Variants in LRRC4C observed in about 807,000 individuals in gnomAD.
The protein encoded by LRRC4C is leucine rich repeat containing 4C, also known as leucine-rich repeat-containing protein 4C.
A neutral mutation model predicts 33.6 loss-of-function variants in LRRC4C; 5 were observed. The observed-to-expected ratio is 0.15, with a 90% CI of 0.08 to 0.31. LRRC4C has a LOEUF of 0.31. LRRC4C is among the 10% of genes least tolerant of loss of function. The pLI, the probability that LRRC4C is intolerant of heterozygous loss-of-function variation, is 1.00. For missense variants in LRRC4C, 560 were observed against 796.7 expected, an observed-to-expected ratio of 0.70 and a Z score of 3.58; for synonymous variants, 329 against 302.0, an observed-to-expected ratio of 1.09 and a Z score of -0.93.
chr11:41,329,615 T>C (rs1048563390), intron 1 of LRRC4C, among the ~76,000 whole-genome samples: 7 of 152,236 alleles, frequency 4.6e-5, no homozygotes, highest in African/African-American at 7.2e-5. Context: ...TTTCAGTCTC[T>C]GATTCCTTAC....
At chr11:41,106,409 T>G (rs1350583637) in intron 1 of LRRC4C, among the ~76,000 whole-genome samples, 1 of 151,786 alleles carries the variant, frequency 6.6e-6, no homozygotes, top group Non-Finnish European at 1.5e-5. Flanking sequence ...TTACATGCAT[T>G]GTCTACTTTG....
intron 2 of LRRC4C, among the ~76,000 whole-genome samples, chr11:40,925,394 G>T (rs911966789): frequency 6.6e-6 from 1 of 152,122 alleles, no homozygotes; most frequent in Non-Finnish European, 1.5e-5. Context: ...CCATTTCTTT[G>T]CCATGGCAAC....
At chr11:40,297,377 T>C (rs748482199) in intron 4 of LRRC4C, among the ~76,000 whole-genome samples, 10 of 152,332 alleles carry the variant, frequency 6.6e-5, no homozygotes, top group South Asian at 2.1e-4. Flanking sequence ...TAATGACATG[T>C]GAATTAATTT....
chr11:40,686,327 G>GGAA (rs1944951634), intron 2 of LRRC4C, among the ~76,000 whole-genome samples: 1 of 152,042 alleles, frequency 6.6e-6, no homozygotes, highest in South Asian at 2.1e-4. Flanking sequence ...GGCACACAGA[G>GGAA]GAAGCTCAGT....
At chr11:40,238,050 T>C (rs569036272) in intron 5 of LRRC4C, among the ~76,000 whole-genome samples, 3 of 152,330 alleles carry the variant, frequency 2.0e-5, no homozygotes, top group African/African-American at 7.2e-5. Flanking sequence ...GTACACTGCT[T>C]TGTTCAGTGG....
At position 41,244,176 on chromosome 11, in the gene LRRC4C, T is replaced by C. The variant is rs113938418; in HGVS notation, c.-496+215255A>G. Among the ~76,000 whole-genome samples, 808 of 150,700 alleles carry C rather than the reference T, an allele frequency of 5.4e-3. 3 individuals carry two copies. Among genetic ancestry groups the C allele is most frequent in the African/African-American group, 0.018 (721 of 41,028 alleles). ...GTTAGTTTCAAGAAAGTTTTCTCTATCTATCTATCTATCTATCGATCGTAA... is the reference window on the plus strand; with the variant it reads ...GTTAGTTTCAAGAAAGTTTTCTCTACCTATCTATCTATCTATCGATCGTAA... On this transcript the variant is annotated intron_variant, in intron 1 of 6. Coordinates refer to ENST00000528697, the MANE Select transcript of LRRC4C (RefSeq NM_001258419.2).
intron 3 of LRRC4C, among the ~76,000 whole-genome samples, chr11:40,335,997 A>C (rs968691977): frequency 6.6e-6 from 1 of 152,194 alleles, no homozygotes; most frequent in Non-Finnish European, 1.5e-5. Context: ...GCTCCATGTT[A>C]AGCACACAGA....
Position 41,454,218 on chromosome 11 carries a change from T to C in LRRC4C, c.-496+5213A>G, listed in dbSNP as rs59012119. Among the ~76,000 whole-genome samples the C allele has an allele frequency of 2.1e-3, 314 of 152,210 alleles. 1 individual carries two copies. Among genetic ancestry groups the C allele is most frequent in the African/African-American group, 7.2e-3 (298 of 41,548 alleles). On this transcript the variant is annotated intron_variant, in intron 1 of 6. Transcript: ENST00000528697. ...TCACTGACAGCTCAGCTCAGCTACA[T>C]TAGTAAGAACAAGGCTTTTTACATC...
At chr11:40,253,958 T>G (rs1866993719) in intron 4 of LRRC4C, among the ~76,000 whole-genome samples, 1 of 152,202 alleles carries the variant, frequency 6.6e-6, no homozygotes, top group South Asian at 2.1e-4. Context: ...TCATGCCCTT[T>G]CCTTTAACAT....
At chr11:41,400,021 G>A (rs1449291666) in intron 1 of LRRC4C, among the ~76,000 whole-genome samples, 2 of 151,950 alleles carry the variant, frequency 1.3e-5, no homozygotes. Flanking sequence ...AGAACTCAGT[G>A]CTTGTTACAC....
chr11:41,308,996 G>T (rs1950578160), intron 1 of LRRC4C, among the ~76,000 whole-genome samples: 1 of 152,084 alleles, frequency 6.6e-6, no homozygotes, highest in African/African-American at 2.4e-5. Flanking sequence ...TAGAGATGGG[G>T]TTTCTTCATG....
At position 41,146,654 on chromosome 11, in the gene LRRC4C, G is replaced by A. The variant is rs181306200; in HGVS notation, c.-495-212931C>T. ...GTCTTGGAATACCCTCCTTCCTCCC[G>A]CCTGCCACAAAAGAAAAATTTGTCC... On this transcript the variant is annotated intron_variant, in intron 1 of 6. Transcript: ENST00000528697. Among the ~76,000 whole-genome samples, 245 of 152,186 alleles carry A rather than the reference G, an allele frequency of 1.6e-3. 1 individual carries two copies. Among genetic ancestry groups the A allele is most frequent in the African/African-American group, 5.6e-3 (233 of 41,508 alleles).
At chr11:41,001,526 GAA>G (rs947514908) in intron 1 of LRRC4C, among the ~76,000 whole-genome samples, 1 of 151,950 alleles carries the variant, frequency 6.6e-6, no homozygotes, top group Admixed American at 6.6e-5. Flanking sequence ...GACCACATTT[GAA>G]AGTCTCTGAA....
chr11:40,306,140 T>A (rs774128412), intron 4 of LRRC4C, among the ~76,000 whole-genome samples: 1 of 152,194 alleles, frequency 6.6e-6, no homozygotes, highest in Admixed American at 6.5e-5. Flanking sequence ...CATAAATGTA[T>A]AGCAACATTA....
intron 1 of LRRC4C, among the ~76,000 whole-genome samples, chr11:41,317,813 G>C (rs1246648317): frequency 6.6e-6 from 1 of 152,034 alleles, no homozygotes. Flanking sequence ...ACAATGTATG[G>C]TCATCTATTG....
At chr11:41,015,777 C>A (rs999980872) in intron 1 of LRRC4C, among the ~76,000 whole-genome samples, 1 of 152,052 alleles carries the variant, frequency 6.6e-6, no homozygotes, top group Non-Finnish European at 1.5e-5. Flanking sequence ...ACCAGTAGTG[C>A]TCAGAAACTT....
chr11:40,659,635 C>A (rs1943319898), intron 2 of LRRC4C, among the ~76,000 whole-genome samples: 1 of 152,184 alleles, frequency 6.6e-6, no homozygotes. Context: ...GTATCTTTGA[C>A]TTGTTGGGAG....
At chr11:40,797,769 A>G (rs949529416) in intron 2 of LRRC4C, among the ~76,000 whole-genome samples, 1 of 152,294 alleles carries the variant, frequency 6.6e-6, no homozygotes, top group Non-Finnish European at 1.5e-5. Flanking sequence ...ATGGATTGCC[A>G]TTTAACTTGA....
chr11:40,352,469 T>C (rs908323525), intron 3 of LRRC4C, among the ~76,000 whole-genome samples: 7 of 151,986 alleles, frequency 4.6e-5, no homozygotes, highest in African/African-American at 1.4e-4. Flanking sequence ...TTTATTTTAT[T>C]ATTATTATAC....
Sources: allele counts gnomAD v4.1 joint callset (sites outside exome capture counted in the v4.1 genomes callset), GRCh38; gene constraint gnomAD v4.1.1; transcripts MANE v1.5; gene names NCBI Gene and HGNC (gene_info 2026-07-23, HGNC 2026-07-21).